ELP4: variants seen among roughly 807,000 people sequenced by gnomAD.
ELP4 encodes the protein elongator acetyltransferase complex subunit 4.
In ELP4, 51 loss-of-function variants were observed where a neutral mutation model predicts 48.9. That is an observed-to-expected ratio of 1.04 (90% CI 0.83 to 1.32). The LOEUF (loss-of-function observed/expected upper bound fraction) is 1.32, where lower values mean the gene tolerates loss of function less well. Among genes scored for constraint, ELP4 ranks in the 40% most tolerant of loss-of-function variants. ELP4 has a pLI of 0.00. For missense variants in ELP4, 519 were observed against 514.6 expected (o/e 1.01, Z -0.08); for synonymous variants, 210 against 189.2 (o/e 1.11, Z -0.90).
intron 9 of ELP4, among the ~76,000 whole-genome samples, chr11:31,742,990 C>T (rs1340207428): frequency 4.6e-5 from 7 of 152,002 alleles, no homozygotes; most frequent in Admixed American, 2.0e-4. Flanking sequence ...ATCAGTGTGC[C>T]GTATTCAGGA....
chr11:31,585,936 T>G (rs1244807739), intron 3 of ELP4, among the ~76,000 whole-genome samples: 1 of 152,058 alleles, frequency 6.6e-6, no homozygotes, highest in African/African-American at 2.4e-5. Context: ...AATTTAAAAA[T>G]TAGCCAGGAT....
intron 4 of ELP4, among the ~76,000 whole-genome samples, chr11:31,601,128 GA>G (rs1425274154): frequency 6.6e-6 from 1 of 150,398 alleles, no homozygotes; most frequent in Non-Finnish European, 1.5e-5. Flanking sequence ...TTATTGAGTT[GA>G]TAACAGTTTT....
At position 31,551,887 on chromosome 11, in the gene ELP4, T is replaced by A. The variant is rs141365220; in HGVS notation, c.381+12104T>A. ...TTTTCAAAACATATCATGACCCTAA[T>A]TTTATAAGTAAGAGATAGGAGACTA... On this transcript the variant is annotated intron_variant, in intron 3 of 9. Coordinates refer to ENST00000640961, the MANE Select transcript of ELP4 (RefSeq NM_019040.5). Among the ~76,000 whole-genome samples, 942 of 152,296 alleles carry A rather than the reference T, an allele frequency of 6.2e-3. 11 individuals are homozygous for A. Among genetic ancestry groups the A allele is most frequent in the African/African-American group, 0.022 (897 of 41,578 alleles).
rs1186744474 is a variant in ELP4 at position 31,777,551 on chromosome 11, ACTC to A, written c.1144-5836_1144-5834del. On this transcript the variant is annotated intron_variant, in intron 9 of 9. Coordinates refer to ENST00000640961, the MANE Select transcript of ELP4 (RefSeq NM_019040.5). ...ACTAGTTGTCTCCCAATATCCATTTACTCCTCCTTCCATAGTAATAGATTTGTT... is the reference window on the plus strand; with the variant it reads ...ACTAGTTGTCTCCCAATATCCATTTACTCCTTCCATAGTAATAGATTTGTT... Among the ~76,000 whole-genome samples, 3 of 151,908 alleles carry A rather than the reference ACTC, an allele frequency of 2.0e-5. No homozygotes were observed. In the East Asian group the frequency reaches 5.8e-4, roughly 29 times the overall value.
intron 9 of ELP4, among the ~76,000 whole-genome samples, chr11:31,692,905 C>A (rs1946310539): frequency 6.6e-6 from 1 of 152,108 alleles, no homozygotes; most frequent in South Asian, 2.1e-4. Context: ...CTGGTAGCAT[C>A]CTGTATTTTC....
chr11:31,742,043 G>A (rs905066024), intron 9 of ELP4, among the ~76,000 whole-genome samples: 6 of 152,184 alleles, frequency 3.9e-5, no homozygotes, highest in African/African-American at 1.4e-4. Context: ...ACGCAGAAAA[G>A]TCCTTAAATC....
intron 9 of ELP4, among the ~76,000 whole-genome samples, chr11:31,697,218 A>C (rs1385485388): frequency 2.0e-5 from 3 of 152,174 alleles, no homozygotes; most frequent in Non-Finnish European, 4.4e-5. Flanking sequence ...CTGGTTTCTT[A>C]TTGAGCAGCT....
intron 2 of ELP4, among the ~76,000 whole-genome samples, chr11:31,532,437 T>A (rs1176107725): frequency 2.0e-5 from 3 of 152,138 alleles, no homozygotes; most frequent in Non-Finnish European, 4.4e-5. Context: ...GTCAGAACCC[T>A]CACTCATTTA....
chr11:31,577,395 A>G (rs1957304657), intron 3 of ELP4, among the ~76,000 whole-genome samples: 1 of 152,282 alleles, frequency 6.6e-6, no homozygotes, highest in African/African-American at 2.4e-5. Context: ...AAACTATTCC[A>G]ATCAATAGAA....
At chr11:31,590,494 G>A (rs975387888) in intron 3 of ELP4, among the ~76,000 whole-genome samples, 2 of 152,076 alleles carry the variant, frequency 1.3e-5, no homozygotes, top group Non-Finnish European at 2.9e-5. Flanking sequence ...TCGTGACTTC[G>A]AATGAGGCAA....
chr11:31,725,649 A>T (rs566285487), intron 9 of ELP4, among the ~76,000 whole-genome samples: 25 of 152,260 alleles, frequency 1.6e-4, no homozygotes, highest in Non-Finnish European at 2.8e-4. Flanking sequence ...CACAAAATAA[A>T]ATCTTTTCAC....
In ELP4 at chr11:31,703,505, G is replaced by A. The variant is rs547193549; in HGVS notation, c.1143+53284G>A. Among the ~76,000 whole-genome samples, 98 of 152,098 alleles carry A rather than the reference G, an allele frequency of 6.4e-4. 1 individual carries two copies. The highest frequency in any genetic ancestry group is 1.2e-3 in the Non-Finnish European group (83 of 68,002). On this transcript the variant is annotated intron_variant, in intron 9 of 9. Coordinates refer to ENST00000640961, the MANE Select transcript of ELP4 (RefSeq NM_019040.5). ...CTTTGCTTCATTTATGAGAGAATTTGAAGCAGTTACCTAATTTGCTCTTAT... is the reference window on the plus strand; with the variant it reads ...CTTTGCTTCATTTATGAGAGAATTTAAAGCAGTTACCTAATTTGCTCTTAT...
intron 9 of ELP4, among the ~76,000 whole-genome samples, chr11:31,667,886 A>G (rs1183599629): frequency 6.6e-6 from 1 of 152,198 alleles, no homozygotes; most frequent in African/African-American, 2.4e-5. Context: ...TCTATGATCC[A>G]TTCATCTTAT....
intron 1 of ELP4, among the ~76,000 whole-genome samples, chr11:31,518,029 G>C (rs938555523): frequency 6.6e-6 from 1 of 152,016 alleles, no homozygotes; most frequent in Non-Finnish European, 1.5e-5. Context: ...AATGGCAATA[G>C]TTTTACAAAT....
At chr11:31,516,227 C>T (rs1485122335) in intron 1 of ELP4, among the ~76,000 whole-genome samples, 1 of 152,134 alleles carries the variant, frequency 6.6e-6, no homozygotes, top group Non-Finnish European at 1.5e-5. Context: ...CTAAATCCTC[C>T]CTATAGGAAA....
intron 9 of ELP4, among the ~76,000 whole-genome samples, chr11:31,777,276 C>T (rs12280012): frequency 0.019 from 2,960 of 152,194 alleles, 117 homozygotes; most frequent in African/African-American, 0.067. Context: ...CCATCCTCCT[C>T]CTTGTGACCC....
intron 2 of ELP4, among the ~76,000 whole-genome samples, chr11:31,521,491 T>C (rs1183374231): frequency 1.4e-5 from 2 of 144,326 alleles, no homozygotes; most frequent in African/African-American, 2.9e-5. Flanking sequence ...TTTTCTCACA[T>C]GTTTTGTTTA....
intron 7 of ELP4, among the ~76,000 whole-genome samples, chr11:31,636,650 T>A (rs879319604): frequency 2.1e-4 from 32 of 151,968 alleles, no homozygotes; most frequent in Non-Finnish European, 4.0e-4. Flanking sequence ...CTTATTGTTA[T>A]AATAAGACTT....
At chr11:31,606,356 G>A (rs972110546) in intron 5 of ELP4, among the ~76,000 whole-genome samples, 4 of 152,010 alleles carry the variant, frequency 2.6e-5, no homozygotes, top group Non-Finnish European at 5.9e-5. Flanking sequence ...AAGCCTTACA[G>A]TTATCTATAC....
Sources: gnomAD v4.1 joint callset for allele counts (sites outside exome capture counted in the v4.1 genomes callset) on GRCh38, gnomAD v4.1.1 for gene constraint, MANE v1.5 for transcripts, NCBI Gene and HGNC (gene_info 2026-07-23, HGNC 2026-07-21) for gene names.